PLEKHB2: variants seen among roughly 807,000 people sequenced by gnomAD.
PLEKHB2 encodes pleckstrin homology domain containing B2.
In PLEKHB2, 31 loss-of-function variants were observed where a neutral mutation model predicts 36.5. The ratio of observed to expected loss-of-function variants is 0.85; its 90% confidence interval spans 0.64 to 1.15. The LOEUF is 1.15. Among genes scored for constraint, PLEKHB2 ranks in the 50% most tolerant of loss-of-function variants. PLEKHB2 has a pLI of 0.00. For synonymous variants in PLEKHB2, 119 were observed against 112.0 expected, an observed-to-expected ratio of 1.06 and a Z score of -0.39; for missense variants, 262 against 295.3, an observed-to-expected ratio of 0.89 and a Z score of 0.83.
In PLEKHB2 at chr2:131,132,981, C is replaced by T. The variant is rs373020419; in HGVS notation, c.413C>T (p.Pro138Leu). The change falls in exon 6 of 8, where the codon CCG becomes CTG. Residue 138 changes from proline to leucine, a missense_variant. Physicochemically the swap from Pro to Leu is moderately conservative, Grantham distance 98. Coordinates refer to ENST00000693505, the MANE Select transcript of PLEKHB2 (RefSeq NM_001100623.2). Reference protein sequence around the residue: ...SPPPYTAYAAPAPEQAYGYGP... With the variant: ...SPPPYTAYAALAPEQAYGYGP... ...CCACCATACACGGCCTATGCTGCAC[C>T]GGCCCCTGAGGTAGGGAGAACCCTG... The T allele has an allele frequency of 1.9e-5, 30 of 1,612,678 alleles. No homozygotes were observed. Among genetic ancestry groups the T allele is most frequent in the Middle Eastern group, 1.6e-4 (1 of 6,082 alleles).
rs180809041 is a variant in PLEKHB2, at chr2:131,131,669, G to A, written c.333+909G>A. Among the ~76,000 whole-genome samples, 136 of 151,972 alleles carry A rather than the reference G, an allele frequency of 8.9e-4. 1 individual carries two copies. The highest frequency in any genetic ancestry group is 3.0e-3 in the African/African-American group (124 of 41,414). ...GTAAAAGGCTTAATATCCTAATAGC[G>A]TCAGTGTTCTCTTCCTTTGTTAGCA... On this transcript the variant is annotated intron_variant, in intron 5 of 7. Coordinates refer to ENST00000693505, the MANE Select transcript of PLEKHB2 (RefSeq NM_001100623.2).
Position 131,130,939 on chromosome 2 carries a change from C to T in PLEKHB2, c.333+179C>T, listed in dbSNP as rs147405937. 4.6e-3 allele frequency among the ~76,000 whole-genome samples: 693 copies of T among 152,268 alleles called. 2 individuals are homozygous for T. Among genetic ancestry groups the T allele is most frequent in the Non-Finnish European group, 8.3e-3 (567 of 68,026 alleles). ...TAGCTGGGACTATAGGCCCATGCTA[C>T]CACGCCCAGCTTATTTGAAAAAATT... On this transcript the variant is annotated intron_variant, in intron 5 of 7. Coordinates refer to ENST00000693505, the MANE Select transcript of PLEKHB2 (RefSeq NM_001100623.2).
chr2:131,140,720 C>T (rs903665416), intron 7 of PLEKHB2, among the ~76,000 whole-genome samples: 3 of 152,218 alleles, frequency 2.0e-5, no homozygotes, highest in Admixed American at 1.3e-4. Flanking sequence ...TCTGTTCTTT[C>T]TGTTCTTCAC....
intron 4 of PLEKHB2, among the ~76,000 whole-genome samples, chr2:131,130,488 TA>T (rs1697568991): frequency 6.6e-6 from 1 of 152,236 alleles, no homozygotes; most frequent in Admixed American, 6.5e-5. Context: ...TCACATTTAT[TA>T]AAAAGTAAAG....
intron 1 of PLEKHB2, among the ~76,000 whole-genome samples, chr2:131,112,180 G>T (rs1472937549): frequency 2.0e-5 from 3 of 152,150 alleles, no homozygotes; most frequent in South Asian, 4.1e-4. Context: ...ACCAGTGGCT[G>T]TTGGTTTAAT....
At chr2:131,121,089 T>C (rs1696466979) in intron 2 of PLEKHB2, 111 bp downstream of exon 2, 1 of 1,000,870 alleles carries the variant, frequency 1.0e-6, no homozygotes, top group Non-Finnish European at 1.5e-6. Context: ...TTATGAGTGC[T>C]ATGGCCTTGA....
chr2:131,115,344 T>C (rs1233658592), intron 1 of PLEKHB2, among the ~76,000 whole-genome samples: 1 of 73,958 alleles, frequency 1.4e-5, no homozygotes, highest in Non-Finnish European at 2.3e-5. Flanking sequence ...AGTATGTCTT[T>C]TTTTTTTTTT....
intron 5 of PLEKHB2, among the ~76,000 whole-genome samples, chr2:131,132,175 T>C (rs9989892): frequency 2.1e-3 from 320 of 152,268 alleles, no homozygotes; most frequent in African/African-American, 7.4e-3. Flanking sequence ...TTCTTTAAAT[T>C]ATACTGGGGA....
In PLEKHB2 at chr2:131,140,165, A is replaced by T. The variant is rs780722174; in HGVS notation, c.424-2A>T. The T allele has an allele frequency of 1.3e-6, 2 of 1,593,162 alleles. No homozygotes were observed. The highest frequency in any genetic ancestry group is 2.2e-5 in the South Asian group (2 of 89,042). On this transcript the variant is annotated splice_acceptor_variant, in intron 6 of 7. Transcript: ENST00000693505. LOFTEE classifies it high-confidence loss of function. Reference sequence around the variant, plus strand: ...ATTTCTAATGGGCCTGTTTCTTTTCAGCAGGCTTATGGCTATGGGCCATAC... The same window carrying T: ...ATTTCTAATGGGCCTGTTTCTTTTCTGCAGGCTTATGGCTATGGGCCATAC...
chr2:131,131,431 G>A (rs561479288), intron 5 of PLEKHB2, among the ~76,000 whole-genome samples: 49 of 152,260 alleles, frequency 3.2e-4, no homozygotes, highest in African/African-American at 1.1e-3. Context: ...CTTGTCTCTC[G>A]TCCTGTTTCT....
rs377415954 is a variant in PLEKHB2 at position 131,125,885 on chromosome 2, G to T, written c.170G>T (p.Arg57Leu). Residue 57 changes from arginine to leucine, a missense_variant, in exon 3 of 8, where the codon CGC (arginine) becomes CTC (leucine). Arg to Leu is a moderately radical substitution (Grantham distance 102). Transcript: ENST00000693505. Reference protein sequence around the residue: ...VHMPMDCINIRTGQECRDTQP... With the variant: ...VHMPMDCINILTGQECRDTQP... ...ATGCCAATGGACTGCATCAACATCC[G>T]CACGGGGCAGGAATGTCGGGGTAAG... is the stretch of plus-strand genomic sequence containing the variant. The T allele has an allele frequency of 1.4e-5, 22 of 1,613,030 alleles. No homozygotes were observed. Among genetic ancestry groups the T allele is most frequent in the Admixed American group, 1.2e-4 (7 of 59,956 alleles).
chr2:131,146,525 C>A (rs928077809), intron 7 of PLEKHB2, 112 bp from the exon 8 acceptor site: 6 of 1,127,494 alleles, frequency 5.3e-6, no homozygotes, highest in African/African-American at 1.6e-5. Flanking sequence ...GCTGGGTCGC[C>A]AGTGTGACAG....
chr2:131,132,138 C>CT (rs1006177298), intron 5 of PLEKHB2, among the ~76,000 whole-genome samples: 9 of 150,588 alleles, frequency 6.0e-5, no homozygotes, highest in South Asian at 4.2e-4. Flanking sequence ...GCCACTTTTT[C>CT]TTTTTTTTTA....
At chr2:131,124,779 A>C (rs1696927654) in intron 2 of PLEKHB2, among the ~76,000 whole-genome samples, 1 of 151,500 alleles carries the variant, frequency 6.6e-6, no homozygotes. Context: ...AAGAAAAAAA[A>C]CGTGTTTTTT....
At chr2:131,144,324 C>A in intron 7 of PLEKHB2, 1 of 504,976 alleles carries the variant, frequency 2.0e-6, no homozygotes, top group Non-Finnish European at 3.1e-6. Flanking sequence ...AGTGGGTGTT[C>A]GTTCGGCTCT....
intron 1 of PLEKHB2, among the ~76,000 whole-genome samples, chr2:131,113,304 C>T (rs1258981553): frequency 2.0e-5 from 3 of 152,114 alleles, no homozygotes; most frequent in African/African-American, 7.2e-5. Context: ...AACTCCTGAG[C>T]TCAAGTGGTC....
chr2:131,115,645 G>A lies in PLEKHB2; in HGVS notation c.-8-5289G>A, dbSNP rs556647333. Among the ~76,000 whole-genome samples the A allele has an allele frequency of 3.3e-5, 5 of 152,128 alleles. No individual in the cohort carries two copies. In the East Asian group the frequency reaches 5.8e-4, roughly 18 times the overall value. ...CGGGATTACAGGCGTGAGCTACTGC[G>A]CCCTCCAGAAGGTATGTCTTTTCTT... On this transcript the variant is annotated intron_variant, in intron 1 of 7. Transcript: ENST00000693505.
intron 2 of PLEKHB2, among the ~76,000 whole-genome samples, chr2:131,125,300 C>T (rs573817526): frequency 5.9e-5 from 9 of 152,268 alleles, no homozygotes; most frequent in South Asian, 4.1e-4. Context: ...AAACCCTAAC[C>T]GGAAAGTGTT....
At chr2:131,105,649 G>A (rs1694627153) in intron 1 of PLEKHB2, among the ~76,000 whole-genome samples, 1 of 151,904 alleles carries the variant, frequency 6.6e-6, no homozygotes, top group African/African-American at 2.4e-5. Flanking sequence ...CCATTCGAGA[G>A]CCCTCCCAGT....
Sources: gnomAD v4.1 joint callset for allele counts (sites outside exome capture counted in the v4.1 genomes callset) on GRCh38, gnomAD v4.1.1 for gene constraint, MANE v1.5 for transcripts, NCBI Gene and HGNC (gene_info 2026-07-23, HGNC 2026-07-21) for gene names.